NLGN4X: variants seen among roughly 807,000 people sequenced by gnomAD.
NLGN4X encodes the protein neuroligin-4, X-linked.
NLGN4X carries 3 observed loss-of-function variants against 40.3 expected under a neutral mutation model. The ratio of observed to expected loss-of-function variants is 0.07; its 90% CI spans 0.03 to 0.19. The LOEUF is 0.19. Ranked by LOEUF, NLGN4X falls within the 10% of genes least tolerant of loss-of-function variation. The pLI is 1.00. For missense variants in NLGN4X, 382 were observed against 708.3 expected, an observed-to-expected ratio of 0.54 and a Z score of 5.23; for synonymous variants, 270 against 306.8, an observed-to-expected ratio of 0.88 and a Z score of 1.25.
chrX:5,989,968 CTT>C (rs2035634288), intron 3 of NLGN4X, among the ~76,000 whole-genome samples: 1 of 110,854 alleles, frequency 9.0e-6, no homozygotes, highest in Admixed American at 9.7e-5. Context: ...TGTGATGTCT[CTT>C]TCTCTCTCTC....
intron 1 of NLGN4X, among the ~76,000 whole-genome samples, chrX:6,180,961 G>A (rs1921378981): frequency 9.0e-6 from 1 of 111,668 alleles, no homozygotes; most frequent in Admixed American, 9.5e-5. Context: ...GTAAAGCGAA[G>A]ATAAAGCATT....
At chrX:5,974,207 T>C (rs938431418) in intron 3 of NLGN4X, among the ~76,000 whole-genome samples, 46 of 112,221 alleles carry the variant, frequency 4.1e-4, no homozygotes, top group African/African-American at 1.4e-3. Context: ...TTTTGTTATA[T>C]TGGATTTTTT....
chrX:6,225,681 C>CTTTTTTTTTTTTT lies in NLGN4X; in HGVS notation c.-306+2859_-306+2860insAAAAAAAAAAAAA, dbSNP rs1569309354. ...CTTTTTCTTTTCCTTTTTTTTCTTT[C>CTTTTTTTTTTTTT]TTTTTTTCTTTTTTTTTTTTTTTTT... On this transcript the variant is annotated intron_variant, in intron 1 of 5. Coordinates refer to ENST00000381095, the MANE Select transcript of NLGN4X (RefSeq NM_181332.3). Among the ~76,000 whole-genome samples, 152 of 33,764 alleles carry CTTTTTTTTTTTTT rather than the reference C, an allele frequency of 4.5e-3. 1 individual carries two copies. The highest frequency in any genetic ancestry group is 5.0e-3 in the Non-Finnish European group (99 of 19,937). The allele number at this position is 33,764 out of a possible 115,157, so 29.3% of individuals were successfully genotyped here.
intron 3 of NLGN4X, among the ~76,000 whole-genome samples, chrX:5,959,911 C>T (rs748417838): frequency 2.7e-5 from 3 of 111,161 alleles, no homozygotes; most frequent in East Asian, 2.8e-4. Context: ...TTCATCAATA[C>T]GAAAAGAATT....
intron 2 of NLGN4X, among the ~76,000 whole-genome samples, chrX:6,142,793 A>C (rs924417976): frequency 8.9e-6 from 1 of 112,416 alleles, no homozygotes; most frequent in African/African-American, 3.2e-5. Context: ...TAATTTCTCT[A>C]ATTCACATAT....
At chrX:5,982,322 C>A (rs193131345) in intron 3 of NLGN4X, among the ~76,000 whole-genome samples, 1 of 112,234 alleles carries the variant, frequency 8.9e-6, no homozygotes, top group Non-Finnish European at 1.9e-5. Context: ...TCTGAAATTT[C>A]TTTGAAGTTT....
At chrX:5,953,859 C>G (rs1158959772) in intron 3 of NLGN4X, among the ~76,000 whole-genome samples, 1 of 111,809 alleles carries the variant, frequency 8.9e-6, no homozygotes, top group African/African-American at 3.3e-5. Flanking sequence ...ATAGGAGATG[C>G]CCCACGGAAG....
At position 5,962,382 on chromosome X, in the gene NLGN4X, A is replaced by C. The variant is rs192470049; in HGVS notation, c.626-53143T>G. ...GACAACAAGTTCTGAGATATTTGGC[A>C]GCTTTCCAAGGTCTTATGAAGTCAG... On this transcript the variant is annotated intron_variant, in intron 3 of 5. Coordinates refer to ENST00000381095, the MANE Select transcript of NLGN4X (RefSeq NM_181332.3). 3.0e-4 allele frequency among the ~76,000 whole-genome samples: 34 copies of C among 112,032 alleles called. No homozygotes were observed. In the East Asian group the frequency reaches 4.8e-3, roughly 16 times the overall value.
intron 3 of NLGN4X, among the ~76,000 whole-genome samples, chrX:6,007,837 T>C (rs2036142395): frequency 8.9e-6 from 1 of 111,923 alleles, no homozygotes; most frequent in South Asian, 3.7e-4. Flanking sequence ...TGCTCTGAGA[T>C]CAAATGGAGA....
intron 2 of NLGN4X, among the ~76,000 whole-genome samples, chrX:6,102,039 C>T (rs1464599620): frequency 3.6e-5 from 4 of 110,488 alleles, no homozygotes; most frequent in East Asian, 2.8e-4. Flanking sequence ...CTCAATCTCC[C>T]GACCTCGTGA....
intron 2 of NLGN4X, among the ~76,000 whole-genome samples, chrX:6,144,585 C>T (rs763301628): frequency 9.0e-5 from 10 of 111,430 alleles, no homozygotes; most frequent in Non-Finnish European, 1.5e-4. Flanking sequence ...TCTCTTCCGG[C>T]TTCTAGAGAC....
intron 3 of NLGN4X, among the ~76,000 whole-genome samples, chrX:5,945,484 AT>A (rs1486106904): frequency 8.9e-6 from 1 of 112,039 alleles, no homozygotes; most frequent in African/African-American, 3.2e-5. Context: ...GCCTGGCGGG[AT>A]CACATTTGGA....
At chrX:6,226,426 GGGCCA>G (rs1163563026) in intron 1 of NLGN4X, among the ~76,000 whole-genome samples, 1 of 110,895 alleles carries the variant, frequency 9.0e-6, no homozygotes, top group Non-Finnish European at 1.9e-5. Flanking sequence ...AGGGTGGCCC[GGGCCA>G]GGCCTCGGGG....
chrX:6,061,187 G>A (rs1300068725), intron 2 of NLGN4X, among the ~76,000 whole-genome samples: 13 of 111,143 alleles, frequency 1.2e-4, no homozygotes, highest in Admixed American at 1.2e-3. Context: ...CCATCAGCCC[G>A]GGTCCCAGAA....
chrX:6,168,644 T>A (rs1036539045), intron 1 of NLGN4X, among the ~76,000 whole-genome samples: 1 of 111,831 alleles, frequency 8.9e-6, no homozygotes, highest in African/African-American at 3.3e-5. Flanking sequence ...CAGCTATTTT[T>A]TTTTTATTTT....
chrX:5,963,373 T>C lies in NLGN4X; in HGVS notation c.626-54134A>G, dbSNP rs759103026. ...ACTTGGCTGAACTGTGTTCATGTTT[T>C]AGTAATTTGTGGAAGGCAGATCGTG... On this transcript the variant is annotated intron_variant, in intron 3 of 5. Transcript: ENST00000381095. Among the ~76,000 whole-genome samples the C allele has an allele frequency of 2.7e-5, 3 of 112,090 alleles. No homozygotes were observed. The South Asian group carries it at 1.1e-3, about 42-fold the overall frequency.
chrX:6,100,948 T>C (rs897470549), intron 2 of NLGN4X, among the ~76,000 whole-genome samples: 2 of 111,326 alleles, frequency 1.8e-5, no homozygotes, highest in Admixed American at 9.6e-5. Context: ...ATCTTTATAC[T>C]TGAGGCAGAC....
intron 2 of NLGN4X, among the ~76,000 whole-genome samples, chrX:6,051,420 T>C (rs747407844): frequency 9.0e-6 from 1 of 110,898 alleles, no homozygotes; most frequent in Non-Finnish European, 1.9e-5. Context: ...TCATCACAGA[T>C]TTGCAGTGGT....
chrX:6,098,889 A>G (rs1015283720), intron 2 of NLGN4X, among the ~76,000 whole-genome samples: 2 of 112,560 alleles, frequency 1.8e-5, no homozygotes, highest in Non-Finnish European at 3.7e-5. Flanking sequence ...CATGTATTTC[A>G]GTTTGTAATT....
Sources: allele counts gnomAD v4.1 joint callset (sites outside exome capture counted in the v4.1 genomes callset), GRCh38; gene constraint gnomAD v4.1.1; transcripts MANE v1.5; gene names NCBI Gene and HGNC (gene_info 2026-07-23, HGNC 2026-07-21).